The following GNPDA1 variants were observed in gnomAD, a reference collection of about 807,000 sequenced individuals.
GNPDA1 encodes GNPDA 1.
Under a neutral mutation model 28.5 loss-of-function variants are expected in GNPDA1, and 24 were observed. That is an observed-to-expected ratio of 0.84 (90% confidence interval 0.61 to 1.19). The LOEUF (loss-of-function observed/expected upper bound fraction) is 1.19. Among genes scored for constraint, GNPDA1 ranks in the 50% most tolerant of loss-of-function variants. The pLI, the probability that GNPDA1 is intolerant of heterozygous loss-of-function variation, is 0.00. For synonymous variants in GNPDA1, 147 were observed against 139.3 expected (o/e 1.06, Z -0.39); for missense variants, 264 against 367.3 (o/e 0.72, Z 2.30).
intron 6 of GNPDA1, among the ~76,000 whole-genome samples, 157 bp from the exon 7 acceptor site, chr5:142,002,286 A>C (rs565754243): frequency 6.6e-6 from 1 of 152,296 alleles, no homozygotes; most frequent in African/African-American, 2.4e-5. Context: ...CTAAGAGTAT[A>C]AAAAGAGTTA....
At chr5:142,004,386 G>A (rs1755749644) in intron 5 of GNPDA1, among the ~76,000 whole-genome samples, 2 of 152,214 alleles carry the variant, frequency 1.3e-5, no homozygotes, top group Non-Finnish European at 2.9e-5. Context: ...AAGTTCTAAT[G>A]AAAATAAGGA....
chr5:142,012,819 G>T, intron 1 of GNPDA1, 176 bp downstream of exon 1: 1 of 217,682 alleles, frequency 4.6e-6, no homozygotes, highest in South Asian at 1.6e-4. Context: ...CGCGGTCGTC[G>T]GTGGGGTACA....
intron 6 of GNPDA1, among the ~76,000 whole-genome samples, chr5:142,002,489 A>G (rs567684776): frequency 4.0e-4 from 61 of 152,346 alleles, no homozygotes; most frequent in African/African-American, 1.5e-3. Context: ...ATCGTGGCTC[A>G]CACCTATGAT....
rs749659303 is a variant in GNPDA1, at chr5:142,006,137, A to G, written c.409+7T>C. 1.2e-6 allele frequency: 2 copies of G among 1,609,284 alleles called. No individual in the cohort carries two copies. The highest frequency in any genetic ancestry group is 8.5e-7 in the Non-Finnish European group (1 of 1,176,736). ...TGGACATGTGTGCTGCAGAGTGTCA[A>G]GCTCACCTCCAACAAATAGCTCGAT... On this transcript the variant is annotated splice_region_variant and intron_variant, in intron 4 of 6. Coordinates refer to ENST00000311337, the MANE Select transcript of GNPDA1 (RefSeq NM_005471.5).
In GNPDA1 at chr5:142,002,953, GA is replaced by G. The variant is rs1280455258; in HGVS notation, c.769+134del. ...CAGAAGAGAAATGACTGTGTAGTGT[GA>G]TGCAGTTGGGTTTGATATTTCTTAA... On this transcript the variant is annotated intron_variant, in intron 6 of 6. Coordinates refer to ENST00000311337, the MANE Select transcript of GNPDA1 (RefSeq NM_005471.5). 1.4e-5 allele frequency: 9 copies of G among 656,420 alleles called. No homozygotes were observed. The African/African-American group carries it at 1.6e-4, about 12-fold the overall frequency. The allele number at this position is 656,420 out of a possible 1,614,324, so 40.7% of individuals were successfully genotyped here.
chr5:142,012,058 G>A lies in GNPDA1; in HGVS notation c.-6-17C>T, dbSNP rs747326855. 2 of 1,576,746 alleles carry A rather than the reference G, an allele frequency of 1.3e-6. No homozygotes were observed. The highest frequency in any genetic ancestry group is 2.3e-5 in the East Asian group (1 of 43,986). On this transcript the variant is annotated splice_polypyrimidine_tract_variant and intron_variant, in intron 1 of 6. Transcript: ENST00000311337. ...CATCTTGTCCTGCAGTGGGGGAGAG[G>A]GGATGACAGAAAGGAATCAATGGTA...
rs372051106 is a variant in GNPDA1 at position 142,010,161 on chromosome 5, CTTTA to C, written c.124+1747_124+1750del. Among the ~76,000 whole-genome samples the C allele has an allele frequency of 6.4e-3, 982 of 152,268 alleles. 8 individuals are homozygous for C. Among genetic ancestry groups the C allele is most frequent in the African/African-American group, 0.023 (950 of 41,564 alleles). On this transcript the variant is annotated intron_variant, in intron 2 of 6. Transcript: ENST00000311337. ...CCACAGGCCAAATTTGGCCTGCGGC[CTTTA>C]TTTTTTATTTTTTTAGACAGAGTAT...
chr5:142,007,323 A>G (rs938658866), intron 3 of GNPDA1, among the ~76,000 whole-genome samples: 1 of 152,108 alleles, frequency 6.6e-6, no homozygotes, highest in South Asian at 2.1e-4. Flanking sequence ...ATAGAAGACC[A>G]AGGTATAGTC....
At chr5:142,008,022 G>T in intron 2 of GNPDA1, 122 bp from the exon 3 acceptor site, 1 of 661,748 alleles carries the variant, frequency 1.5e-6, no homozygotes, top group South Asian at 1.8e-5. Flanking sequence ...GTCCTACCCA[G>T]TACTCCAATC....
chr5:142,007,822 G>A lies in GNPDA1; in HGVS notation c.203C>T (p.Thr68Ile), dbSNP rs1258865048. The change falls in exon 3 of 7, where the codon ACC becomes ATC. Residue 68 changes from threonine to isoleucine, a missense_variant. Thr to Ile is a moderately conservative substitution (Grantham distance 89). Coordinates refer to ENST00000311337, the MANE Select transcript of GNPDA1 (RefSeq NM_005471.5). ...ACCCACGTACTCATCCATGTTGAAG[G>A]TCTTCACATATTTAAAGGACAGGTC... Reference protein sequence around the residue: ...NGDLSFKYVKTFNMDEYVGLP... With the variant: ...NGDLSFKYVKIFNMDEYVGLP... The A allele has an allele frequency of 1.2e-6, 2 of 1,605,128 alleles. No homozygotes were observed. The highest frequency in any genetic ancestry group is 1.3e-5 in the African/African-American group (1 of 74,700).
chr5:142,002,001 G>C lies in GNPDA1; in HGVS notation c.*28C>G. On this transcript the variant is annotated 3_prime_UTR_variant, in exon 7 of 7. Transcript: ENST00000311337. ...CCAGAAAGACCTGCCTTTCCCTATGGGTACTTGACACTAGGTCCCAGCACA... is the reference window on the plus strand; with the variant it reads ...CCAGAAAGACCTGCCTTTCCCTATGCGTACTTGACACTAGGTCCCAGCACA... 2 of 1,115,746 alleles carry C rather than the reference G, an allele frequency of 1.8e-6. No individual in the cohort carries two copies. Among genetic ancestry groups the C allele is most frequent in the Non-Finnish European group, 2.7e-6 (2 of 738,852 alleles). The allele number at this position is 1,115,746 out of a possible 1,614,324, so 69.1% of individuals were successfully genotyped here.
At position 142,002,047 on chromosome 5, in the gene GNPDA1, C is replaced by T. The variant is rs767821074; in HGVS notation, c.852G>A (p.Lys284=). 1 of 1,586,522 alleles carries T rather than the reference C, an allele frequency of 6.3e-7. No individual in the cohort carries two copies. Residue 284 remains lysine (K), a synonymous_variant, in exon 7 of 7, where the codon AAG becomes AAA. Coordinates refer to ENST00000311337, the MANE Select transcript of GNPDA1 (RefSeq NM_005471.5). ...EKETEKSQSS[K]KPYSD Reference sequence around the variant, plus strand: ...GCACAGGCTAATCGCTGTATGGTTTCTTCGAAGATTGGCTTTTCTCAGTTT... The same window carrying T: ...GCACAGGCTAATCGCTGTATGGTTTTTTCGAAGATTGGCTTTTCTCAGTTT...
intron 2 of GNPDA1, 133 bp from the exon 3 acceptor site, chr5:142,008,033 C>T (rs1596737889): frequency 1.6e-6 from 1 of 641,224 alleles, no homozygotes; most frequent in South Asian, 1.8e-5. Flanking sequence ...TACTCCAATC[C>T]TAACTGCCAT....
intron 2 of GNPDA1, among the ~76,000 whole-genome samples, chr5:142,010,857 A>G (rs984066341): frequency 1.3e-5 from 2 of 151,898 alleles, no homozygotes; most frequent in Non-Finnish European, 2.9e-5. Flanking sequence ...ATTAAAGAAG[A>G]ATAATATTTT....
chr5:142,007,803 G>T lies in GNPDA1; in HGVS notation c.222C>A (p.Tyr74Ter). ...CCTTGAAAGAGAAAGACTCACCCAC[G>T]TACTCATCCATGTTGAAGGTCTTCA... ...KYVKTFNMDE[Y>*]VGLPRDHPES... is the part of the protein sequence containing the mutation. The change falls in exon 3 of 7, where the codon TAC becomes TAA. Residue 74 changes from tyrosine to a stop codon, truncating the protein, a stop_gained. Coordinates refer to ENST00000311337, the MANE Select transcript of GNPDA1 (RefSeq NM_005471.5). LOFTEE classifies it high-confidence loss of function. 1.3e-6 allele frequency: 2 copies of T among 1,559,522 alleles called. No homozygotes were observed. Among genetic ancestry groups the T allele is most frequent in the African/African-American group, 1.4e-5 (1 of 73,914 alleles).
intron 6 of GNPDA1, among the ~76,000 whole-genome samples, chr5:142,002,519 G>A (rs540932765): frequency 6.6e-6 from 1 of 152,178 alleles, no homozygotes; most frequent in Non-Finnish European, 1.5e-5. Flanking sequence ...TTGGGAGGCC[G>A]AGGTGGGTGG....
chr5:142,011,693 C>T (rs921820523), intron 2 of GNPDA1, among the ~76,000 whole-genome samples: 1 of 152,186 alleles, frequency 6.6e-6, no homozygotes, highest in Admixed American at 6.5e-5. Context: ...CAACCAAGAT[C>T]CCTTCTGCTC....
chr5:142,004,436 A>G (rs112953309), intron 5 of GNPDA1, among the ~76,000 whole-genome samples: 3,495 of 152,322 alleles, frequency 0.023, 133 homozygotes, highest in African/African-American at 0.078. Context: ...ATGATAGCCA[A>G]TTTTTTAGGG....
rs1003199069 is a variant in GNPDA1 at position 142,012,129 on chromosome 5, C to G, written c.-6-88G>C. ...AGGTGGTGGGAGAAGCTTCTCTTAC[C>G]CAGCAACAATCCCCTTCCCAAGCTG... On this transcript the variant is annotated intron_variant, in intron 1 of 6. Transcript: ENST00000311337. 4 of 1,343,494 alleles carry G rather than the reference C, an allele frequency of 3.0e-6. No individual in the cohort carries two copies. In the African/African-American group the frequency reaches 5.8e-5, roughly 19 times the overall value. 83.2% of individuals were successfully genotyped at this position (1,343,494 alleles called of 1,614,324 possible).
Sources: gnomAD v4.1 joint callset for allele counts (sites outside exome capture counted in the v4.1 genomes callset) on GRCh38, gnomAD v4.1.1 for gene constraint, MANE v1.5 for transcripts, NCBI Gene and HGNC (gene_info 2026-07-23, HGNC 2026-07-21) for gene names.